SYT2: variants seen among roughly 807,000 people sequenced by gnomAD.
SYT2 encodes synaptotagmin 2.
In SYT2, 15 loss-of-function variants were observed where a neutral mutation model predicts 39.9. The ratio of observed to expected loss-of-function variants is 0.38; its 90% confidence interval spans 0.25 to 0.58. The LOEUF is 0.58. SYT2 is among the 20% of genes least tolerant of loss of function. SYT2 has a pLI of 0.70. For missense variants in SYT2, 389 were observed against 530.3 expected (o/e 0.73, Z 2.62); for synonymous variants, 181 against 204.5 (o/e 0.89, Z 0.98).
rs767424416 is a variant in SYT2, at chr1:202,623,155, C to A, written c.-17-17366G>T. 6.6e-6 allele frequency among the ~76,000 whole-genome samples: 1 copy of A among 152,228 alleles called. No individual in the cohort carries two copies. On this transcript the variant is annotated intron_variant, in intron 1 of 8. Transcript: ENST00000367268. This position sits in a 1 kb window ranked among gnomAD's most constrained non-coding sequence, Gnocchi z 4.2. The stretch of plus-strand genomic sequence containing the variant: ...CAGGCAAGCCCCTCAGCACACCCTC[C>A]GCTCTGCCACCCCAGCCAGGATCAC...
In SYT2 at chr1:202,600,493, G is replaced by A; in HGVS notation, c.802-19C>T. On this transcript the variant is annotated intron_variant, in intron 6 of 8. Coordinates refer to ENST00000367268, the MANE Select transcript of SYT2 (RefSeq NM_177402.5). ...TCTCCGGCTGTCCAGGGGAAGAGCA[G>A]GACTTGGGTCATCTCACCCATCCTA... 6.2e-7 allele frequency: 1 copy of A among 1,612,798 alleles called. No individual in the cohort carries two copies. Among genetic ancestry groups the A allele is most frequent in the South Asian group, 1.1e-5 (1 of 91,048 alleles).
At chr1:202,664,397 T>C (rs1379702172) in intron 1 of SYT2, among the ~76,000 whole-genome samples, 1 of 152,222 alleles carries the variant, frequency 6.6e-6, no homozygotes, top group Non-Finnish European at 1.5e-5. Context: ...TTATAATACA[T>C]ACATGCAATG....
chr1:202,653,175 G>A (rs1349435339), intron 1 of SYT2, among the ~76,000 whole-genome samples: 3 of 151,910 alleles, frequency 2.0e-5, no homozygotes, highest in Admixed American at 1.3e-4. Flanking sequence ...TTCTCCAAAC[G>A]GCCCCACCTG....
chr1:202,639,471 G>A (rs547205411), intron 1 of SYT2: 1 of 982,894 alleles, frequency 1.0e-6, no homozygotes, highest in Non-Finnish European at 1.2e-6. Context: ...CAAAACAGAG[G>A]GCTGGATGAG....
chr1:202,677,489 G>A (rs1393637179), intron 1 of SYT2, among the ~76,000 whole-genome samples: 1 of 152,198 alleles, frequency 6.6e-6, no homozygotes, highest in Non-Finnish European at 1.5e-5. Context: ...GATCCATATG[G>A]AGAAGAACAG....
intron 1 of SYT2, among the ~76,000 whole-genome samples, chr1:202,702,810 A>G (rs993085773): frequency 4.6e-5 from 7 of 152,220 alleles, no homozygotes; most frequent in African/African-American, 7.2e-5. Context: ...AGACCTGTAC[A>G]TTTGTTAAAT....
intron 1 of SYT2, among the ~76,000 whole-genome samples, chr1:202,673,847 C>G (rs912519563): frequency 3.9e-5 from 6 of 152,208 alleles, no homozygotes; most frequent in Non-Finnish European, 7.3e-5. Flanking sequence ...ACAGAGAAGA[C>G]AATTCCTCAC....
rs376383655 is a variant in SYT2 at position 202,672,892 on chromosome 1, A to C, written c.-18+37366T>G. On this transcript the variant is annotated intron_variant, in intron 1 of 8. Transcript: ENST00000367268. ...AGAAACCCAACAAATCCCAAGCAGC[A>C]AAAAATAAAAAGAAAGTCATGTCTA... Among the ~76,000 whole-genome samples the C allele has an allele frequency of 1.3e-4, 19 of 150,772 alleles. 1 individual carries two copies. The highest frequency in any genetic ancestry group is 7.9e-4 in the Admixed American group (12 of 15,166).
intron 1 of SYT2, among the ~76,000 whole-genome samples, chr1:202,681,150 GC>G (rs889194873): frequency 1.1e-4 from 17 of 151,460 alleles, no homozygotes; most frequent in African/African-American, 3.9e-4. Context: ...CCCTCCTCCT[GC>G]CCCCAGCCAC....
chr1:202,602,392 T>A lies in SYT2; in HGVS notation c.619A>T (p.Thr207Ser). 3.1e-6 allele frequency: 5 copies of A among 1,613,884 alleles called. No individual in the cohort carries two copies. In the East Asian group the frequency reaches 1.1e-4, roughly 36 times the overall value. The change falls in exon 5 of 9, where the codon ACC becomes TCC. Residue 207 changes from threonine to serine, a missense_variant. Physicochemically the swap from Thr to Ser is moderately conservative, Grantham distance 58. Around this residue, in one of 4 missense-constraint regions of SYT2, gnomAD observed 280 missense variants for 335.6 expected, o/e 0.83. Coordinates refer to ENST00000367268, the MANE Select transcript of SYT2 (RefSeq NM_177402.5). ...GCCCTCAGCACCTTGAAGGTGAAGG[T>A]TTCATTGAAGGCAGGGTTCAGTGTC... is the stretch of plus-strand genomic sequence containing the variant. ...RKTLNPAFNE[T>S]FTFKVPYQEL...
chr1:202,675,491 T>C (rs188316725), intron 1 of SYT2, among the ~76,000 whole-genome samples: 103 of 152,132 alleles, frequency 6.8e-4, no homozygotes, highest in African/African-American at 2.4e-3. Context: ...AGTTGGGAGC[T>C]CAGCAAAGTC....
chr1:202,698,332 C>T (rs545556121), intron 1 of SYT2, among the ~76,000 whole-genome samples: 1 of 152,206 alleles, frequency 6.6e-6, no homozygotes, highest in African/African-American at 2.4e-5. Context: ...CAGCCCTGTG[C>T]CCGCTGAAGA....
intron 1 of SYT2, among the ~76,000 whole-genome samples, chr1:202,696,057 GT>G (rs1653965798): frequency 6.6e-6 from 1 of 152,150 alleles, no homozygotes; most frequent in Non-Finnish European, 1.5e-5. Flanking sequence ...AACGTCTAAT[GT>G]TTTTCTGAGA....
intron 1 of SYT2, among the ~76,000 whole-genome samples, chr1:202,672,120 T>C (rs1465962177): frequency 6.6e-6 from 1 of 152,088 alleles, no homozygotes; most frequent in East Asian, 1.9e-4. Context: ...AAAGCCAACA[T>C]CGAAAATTTC....
chr1:202,626,380 C>T (rs1017434481), intron 1 of SYT2, among the ~76,000 whole-genome samples: 2 of 150,886 alleles, frequency 1.3e-5, no homozygotes, highest in African/African-American at 4.9e-5. Flanking sequence ...CTTTGCATCT[C>T]CCAAGACAGC....
intron 1 of SYT2, among the ~76,000 whole-genome samples, chr1:202,670,966 G>C (rs1222443461): frequency 6.6e-6 from 1 of 152,208 alleles, no homozygotes; most frequent in Non-Finnish European, 1.5e-5. Flanking sequence ...ATCTCTGCTG[G>C]GTCAGCTGGG....
intron 1 of SYT2, among the ~76,000 whole-genome samples, chr1:202,655,484 A>G (rs574112352): frequency 3.6e-4 from 55 of 152,260 alleles, no homozygotes; most frequent in African/African-American, 1.2e-3. Flanking sequence ...ACAAGGGGAC[A>G]CTACCATTAA....
In SYT2 at chr1:202,661,289, C is replaced by T. The variant is rs145533858; in HGVS notation, c.-18+48969G>A. Among the ~76,000 whole-genome samples, 1,116 of 151,946 alleles carry T rather than the reference C, an allele frequency of 7.3e-3. 8 individuals carry two copies. The highest frequency in any genetic ancestry group is 0.01 in the Non-Finnish European group (683 of 67,954). On this transcript the variant is annotated intron_variant, in intron 1 of 8. Transcript: ENST00000367268. The stretch of plus-strand genomic sequence containing the variant: ...CAAATCCCAAGCTAGAGGGCAGGGT[C>T]CAGCCAGTTATCACTTGCCACCTAC...
At chr1:202,658,934 T>C (rs1421171440) in intron 1 of SYT2, among the ~76,000 whole-genome samples, 2 of 152,134 alleles carry the variant, frequency 1.3e-5, no homozygotes, top group Admixed American at 1.3e-4. Flanking sequence ...ACTTAAATGC[T>C]TGCCAGATTG....
Sources: gnomAD v4.1 joint callset for allele counts (sites outside exome capture counted in the v4.1 genomes callset) on GRCh38, gnomAD v4.1.1 for gene constraint, gnomAD v4.1.1 regional missense constraint, Gnocchi (gnomAD v3.1) non-coding constraint, MANE v1.5 for transcripts, NCBI Gene and HGNC (gene_info 2026-07-23, HGNC 2026-07-21) for gene names.